Variants in PHF20 observed in about 807,000 individuals in gnomAD.
PHF20 encodes glioma-expressed antigen 2.
PHF20 carries 23 observed loss-of-function variants against 113.5 expected under a neutral mutation model. That is an observed-to-expected ratio of 0.20 (90% CI 0.15 to 0.29). The LOEUF (loss-of-function observed/expected upper bound fraction) is 0.29. Ranked by LOEUF, PHF20 falls within the 10% of genes least tolerant of loss-of-function variation. The pLI, the probability that PHF20 is intolerant of heterozygous loss-of-function variation, is 1.00. For synonymous variants in PHF20, 434 were observed against 457.3 expected (o/e 0.95, Z 0.65); for missense variants, 943 against 1,219.6 (o/e 0.77, Z 3.38).
intron 2 of PHF20, among the ~76,000 whole-genome samples, chr20:35,819,024 G>A (rs573770180): frequency 1.8e-4 from 27 of 151,984 alleles, no homozygotes; most frequent in Non-Finnish European, 2.9e-4. Context: ...TCCATCTCCT[G>A]GGTTCCAGCG....
At chr20:35,842,505 C>A in intron 2 of PHF20, 68 bp from the exon 3 acceptor site, 1 of 1,369,630 alleles carries the variant, frequency 7.3e-7, no homozygotes, top group Non-Finnish European at 1.0e-6. Flanking sequence ...TGGAAATGTA[C>A]CATTATGGAT....
chr20:35,858,411 A>G (rs777960866), intron 5 of PHF20, 30 bp downstream of exon 5: 2 of 1,171,040 alleles, frequency 1.7e-6, no homozygotes, highest in Admixed American at 1.8e-5. Flanking sequence ...GCTTTGTGTT[A>G]TGAATAATGC....
chr20:35,891,250 G>A (rs1386677558), intron 9 of PHF20, among the ~76,000 whole-genome samples: 3 of 151,932 alleles, frequency 2.0e-5, no homozygotes, highest in Admixed American at 6.6e-5. Context: ...GATGGCAGGC[G>A]CCTGTAATCC....
At chr20:35,864,096 G>GC (rs914265773) in intron 6 of PHF20, among the ~76,000 whole-genome samples, 6 of 151,920 alleles carry the variant, frequency 3.9e-5, no homozygotes, top group East Asian at 1.9e-4. Context: ...GCATGAAGAG[G>GC]CCCCCCCGGT....
intron 2 of PHF20, among the ~76,000 whole-genome samples, chr20:35,813,631 AGGT>A: frequency 6.6e-6 from 1 of 152,170 alleles, no homozygotes; most frequent in Non-Finnish European, 1.5e-5. Context: ...AGGCCTAGGC[AGGT>A]GGATCAGAAG....
At chr20:35,925,040 A>G (rs1472284955) in intron 13 of PHF20, among the ~76,000 whole-genome samples, 1 of 152,108 alleles carries the variant, frequency 6.6e-6, no homozygotes, top group Non-Finnish European at 1.5e-5. Context: ...TTCATTTCTA[A>G]ATGCATTTGA....
In PHF20 at chr20:35,947,585, C is replaced by G. The variant is rs2056109287; in HGVS notation, c.2997C>G (p.Asp999Glu). The change falls in exon 18 of 18, where the codon GAC becomes GAG. Residue 999 changes from aspartate (D) to glutamate (E), a missense_variant. Transcript: ENST00000374012. ...ATTGTATCAAGCAGCTGCTGATGGA[C>G]CTGGGCAAGGTGCAGCAGATCGCCC... ...LKHCIKQLLM[D>E]LGKVQQIALC... The G allele has an allele frequency of 1.2e-6, 2 of 1,614,056 alleles. No individual in the cohort carries two copies. Among genetic ancestry groups the G allele is most frequent in the Admixed American group, 3.3e-5 (2 of 60,024 alleles).
intron 4 of PHF20, among the ~76,000 whole-genome samples, chr20:35,847,670 C>T (rs1461715108): frequency 6.6e-6 from 1 of 152,192 alleles, no homozygotes; most frequent in Non-Finnish European, 1.5e-5. Flanking sequence ...TTTTCTAAAA[C>T]AGTCACAGTT....
chr20:35,906,725 G>A (rs538715652), intron 10 of PHF20, among the ~76,000 whole-genome samples: 1 of 152,272 alleles, frequency 6.6e-6, no homozygotes, highest in African/African-American at 2.4e-5. Context: ...ATCACTTCTT[G>A]TATCCGATAG....
intron 9 of PHF20, among the ~76,000 whole-genome samples, chr20:35,886,416 G>A (rs979335686): frequency 1.3e-5 from 2 of 152,112 alleles, no homozygotes; most frequent in Non-Finnish European, 2.9e-5. Context: ...GTGAGCCACT[G>A]TGCCTGGCCT....
chr20:35,813,263 G>A (rs536931318), intron 2 of PHF20, among the ~76,000 whole-genome samples: 20 of 152,020 alleles, frequency 1.3e-4, no homozygotes, highest in East Asian at 7.8e-4. Flanking sequence ...GTGAGCCACC[G>A]CGCCCGGCCC....
intron 9 of PHF20, among the ~76,000 whole-genome samples, chr20:35,885,467 CTTTTTTTTTTTTT>C (rs577878410): frequency 9.8e-4 from 35 of 35,740 alleles, no homozygotes; most frequent in East Asian, 1.1e-3. Flanking sequence ...GGGGAATAAG[CTTTTTTTTTTTTT>C]TTTTTTTTTT....
intron 2 of PHF20, among the ~76,000 whole-genome samples, chr20:35,821,097 T>C (rs1270112232): frequency 2.0e-5 from 3 of 152,064 alleles, no homozygotes; most frequent in Non-Finnish European, 4.4e-5. Flanking sequence ...CTAAATGTGA[T>C]AGTAAGTCAT....
At chr20:35,893,534 C>T (rs1397403599) in intron 9 of PHF20, among the ~76,000 whole-genome samples, 1 of 152,038 alleles carries the variant, frequency 6.6e-6, no homozygotes, top group Non-Finnish European at 1.5e-5. Flanking sequence ...GAACTCCTTA[C>T]CTCAAGTGAT....
chr20:35,915,543 C>T lies in PHF20; in HGVS notation c.1825+1346C>T, dbSNP rs141295508. Among the ~76,000 whole-genome samples, 194 of 151,876 alleles carry T rather than the reference C, an allele frequency of 1.3e-3. 2 individuals carry two copies. In the East Asian group the frequency reaches 0.03, roughly 24 times the overall value. On this transcript the variant is annotated intron_variant, in intron 12 of 17. Coordinates refer to ENST00000374012, the MANE Select transcript of PHF20 (RefSeq NM_016436.5). Reference sequence around the variant, plus strand: ...CTGGGATTACAGGTGTACGCCACCACGCCTGGCTAATTTTTGTATTTTTAG... The same window carrying T: ...CTGGGATTACAGGTGTACGCCACCATGCCTGGCTAATTTTTGTATTTTTAG...
At chr20:35,772,282 C>T (rs949400007) in intron 1 of PHF20, among the ~76,000 whole-genome samples, 42 of 151,772 alleles carry the variant, frequency 2.8e-4, no homozygotes, top group Non-Finnish European at 4.7e-4. Context: ...GGCGTGCGAG[C>T]GGTGCCCAAT....
At chr20:35,820,821 A>T (rs1266784209) in intron 2 of PHF20, among the ~76,000 whole-genome samples, 1 of 151,994 alleles carries the variant, frequency 6.6e-6, no homozygotes, top group East Asian at 1.9e-4. Context: ...ATAGAGGGTG[A>T]ACAGAGGAGA....
intron 1 of PHF20, among the ~76,000 whole-genome samples, chr20:35,783,730 C>A (rs966735156): frequency 6.6e-6 from 1 of 151,708 alleles, no homozygotes; most frequent in African/African-American, 2.4e-5. Context: ...TCCTGTAATC[C>A]CAGCATTTTG....
At chr20:35,848,274 T>A (rs2042658028) in intron 4 of PHF20, among the ~76,000 whole-genome samples, 1 of 152,042 alleles carries the variant, frequency 6.6e-6, no homozygotes, top group Admixed American at 6.6e-5. Flanking sequence ...TTTTTTTTTC[T>A]TGTTCTTTTT....
Sources: allele counts gnomAD v4.1 joint callset (sites outside exome capture counted in the v4.1 genomes callset), GRCh38; gene constraint gnomAD v4.1.1; transcripts MANE v1.5; gene names NCBI Gene and HGNC (gene_info 2026-07-23, HGNC 2026-07-21).